Variants in IQSEC1 observed in about 807,000 individuals in gnomAD.
IQSEC1 encodes IQ motif and SEC7 domain-containing protein 1.
A neutral mutation model predicts 91.0 loss-of-function variants in IQSEC1; 31 were observed. That is an observed-to-expected ratio of 0.34 (90% CI 0.26 to 0.46). IQSEC1 has a LOEUF of 0.46. Ranked by LOEUF, IQSEC1 falls within the 20% of genes least tolerant of loss-of-function variation. IQSEC1 has a pLI of 1.00. For missense variants in IQSEC1, 1,388 were observed against 1,575.6 expected (o/e 0.88, Z 2.02); for synonymous variants, 699 against 662.6 (o/e 1.05, Z -0.84).
intron 2 of IQSEC1, among the ~76,000 whole-genome samples, chr3:13,111,773 G>T (rs999923861): frequency 6.6e-6 from 1 of 152,152 alleles, no homozygotes; most frequent in African/African-American, 2.4e-5. Context: ...GAAGGCAGCC[G>T]TCTGTGAACC....
At chr3:13,063,046 G>A (rs1341852590) in intron 1 of IQSEC1, among the ~76,000 whole-genome samples, 6 of 152,224 alleles carry the variant, frequency 3.9e-5, no homozygotes, top group Admixed American at 3.3e-4. Context: ...GCTCCTCAGA[G>A]CCCTGATATC....
rs142469438 is a variant in IQSEC1 at position 12,943,938 on chromosome 3, G to C, written c.24-2073C>G. 4.8e-3 allele frequency among the ~76,000 whole-genome samples: 732 copies of C among 152,338 alleles called. 2 individuals are homozygous for C. Among genetic ancestry groups the C allele is most frequent in the Non-Finnish European group, 7.1e-3 (484 of 68,026 alleles). Reference sequence around the variant, plus strand: ...ATGACTTCTGGCTCTGGCCTCCGGGGTCAGGCAGGGGATGCCCACCCCACT... The same window carrying C: ...ATGACTTCTGGCTCTGGCCTCCGGGCTCAGGCAGGGGATGCCCACCCCACT... On this transcript the variant is annotated intron_variant, in intron 1 of 13. Coordinates refer to ENST00000613206, the MANE Select transcript of IQSEC1 (RefSeq NM_001134382.3).
chr3:12,913,443 G>T lies in IQSEC1; in HGVS notation c.2301C>A (p.Phe767Leu). 1 of 1,601,046 alleles carries T rather than the reference G, an allele frequency of 6.2e-7. No homozygotes were observed. Residue 767 changes from phenylalanine to leucine, a missense_variant, in exon 9 of 14, where the codon TTC becomes TTA. Transcript: ENST00000613206. ...AGCCACATACCACCAGGAGGTCGTT[G>T]AACAGGAAGATTTCTCGCTGGTGTA... is the stretch of plus-strand genomic sequence containing the variant. ...LGLHQREIFL[F>L]NDLLVVTKIF... is the part of the protein sequence containing the mutation.
intron 1 of IQSEC1, among the ~76,000 whole-genome samples, chr3:13,020,120 A>T (rs566311077): frequency 6.6e-6 from 1 of 152,354 alleles, no homozygotes; most frequent in Admixed American, 6.5e-5. Context: ...ACCTTGGGAC[A>T]GAAGGGGACT....
intron 12 of IQSEC1, among the ~76,000 whole-genome samples, chr3:12,905,939 A>C (rs1317131012): frequency 6.6e-6 from 1 of 152,182 alleles, no homozygotes; most frequent in African/African-American, 2.4e-5. Context: ...CGCTGGAATG[A>C]GCACCGGGTG....
At chr3:13,136,168 A>G (rs1002962078) in intron 2 of IQSEC1, among the ~76,000 whole-genome samples, 1 of 152,232 alleles carries the variant, frequency 6.6e-6, no homozygotes, top group African/African-American at 2.4e-5. Context: ...TTTCAAGCCA[A>G]CAACGTGAGG....
chr3:13,067,778 A>T (rs935574374), intron 1 of IQSEC1, among the ~76,000 whole-genome samples: 10 of 152,246 alleles, frequency 6.6e-5, no homozygotes, highest in African/African-American at 2.4e-4. Flanking sequence ...GGAAAACAGG[A>T]TGGCACACAA....
At chr3:13,129,265 T>A (rs1373958839) in intron 2 of IQSEC1, among the ~76,000 whole-genome samples, 1 of 152,232 alleles carries the variant, frequency 6.6e-6, no homozygotes, top group Non-Finnish European at 1.5e-5. Flanking sequence ...TTTATTGGCA[T>A]AAAGTTGTTC....
At chr3:13,120,517 C>T (rs1168045775) in intron 2 of IQSEC1, among the ~76,000 whole-genome samples, 2 of 152,208 alleles carry the variant, frequency 1.3e-5, no homozygotes, top group African/African-American at 2.4e-5. Flanking sequence ...AAGGCCTGCA[C>T]GTGGTACACA....
chr3:13,103,944 C>G lies in IQSEC1; in HGVS notation c.303-56422G>C, dbSNP rs1706105313. ...TTCTATTTAATCTTCACGGCACTCCCTGAGGTGGGTGCTACTAGTATCTTC... is the reference window on the plus strand; with the variant it reads ...TTCTATTTAATCTTCACGGCACTCCGTGAGGTGGGTGCTACTAGTATCTTC... On this transcript the variant is annotated intron_variant, in intron 2 of 15. Coordinates refer to the IQSEC1 transcript ENST00000648114. This position sits in a 1 kb window ranked among gnomAD's most constrained non-coding sequence, Gnocchi z 4.1. Among the ~76,000 whole-genome samples the G allele has an allele frequency of 6.6e-6, 1 of 152,156 alleles. No homozygotes were observed. The highest frequency in any genetic ancestry group is 2.4e-5 in the African/African-American group (1 of 41,428).
chr3:13,099,411 G>T (rs1354309055), intron 2 of IQSEC1, among the ~76,000 whole-genome samples: 3 of 152,324 alleles, frequency 2.0e-5, no homozygotes, highest in Admixed American at 2.0e-4. Flanking sequence ...AGGAAAAATG[G>T]TTTTTAGGCT....
intron 2 of IQSEC1, among the ~76,000 whole-genome samples, chr3:13,138,255 C>T (rs541618011): frequency 2.1e-4 from 32 of 152,166 alleles, no homozygotes; most frequent in African/African-American, 6.3e-4. Context: ...CAGCGATCGA[C>T]GAGACAAGGC....
At chr3:13,088,512 G>A (rs889936151) in intron 2 of IQSEC1, among the ~76,000 whole-genome samples, 37 of 150,788 alleles carry the variant, frequency 2.5e-4, no homozygotes, top group African/African-American at 8.3e-4. Flanking sequence ...GGTTCCTGTC[G>A]CCCTCCCCGC....
At position 12,924,014 on chromosome 3, in the gene IQSEC1, A is replaced by C. The variant is rs369050316; in HGVS notation, c.1730+567T>G. 1.1e-4 allele frequency among the ~76,000 whole-genome samples: 16 copies of C among 152,334 alleles called. No individual in the cohort carries two copies. In the South Asian group the frequency reaches 1.4e-3, roughly 14 times the overall value. ...ATCAGGAGGTGGGGGCAGGACGCAC[A>C]GCCCCAATATCCCAGCCGGGAGAAT... On this transcript the variant is annotated intron_variant, in intron 4 of 13. Coordinates refer to ENST00000613206, the MANE Select transcript of IQSEC1 (RefSeq NM_001134382.3). This position sits in a 1 kb window ranked among gnomAD's most constrained non-coding sequence, Gnocchi z 6.3.
intron 2 of IQSEC1, among the ~76,000 whole-genome samples, chr3:13,122,394 C>A (rs910053115): frequency 6.6e-6 from 1 of 151,972 alleles, no homozygotes; most frequent in African/African-American, 2.4e-5. Context: ...GAGGGAGCCA[C>A]GGGAAGGTGC....
intron 2 of IQSEC1, among the ~76,000 whole-genome samples, chr3:13,150,733 C>T (rs1029655314): frequency 2.0e-5 from 3 of 152,194 alleles, no homozygotes; most frequent in African/African-American, 4.8e-5. Flanking sequence ...TCACCCACGG[C>T]GGGAGGGCTG....
At chr3:13,005,236 C>A (rs1049940015) in intron 1 of IQSEC1, among the ~76,000 whole-genome samples, 7 of 152,072 alleles carry the variant, frequency 4.6e-5, no homozygotes, top group Non-Finnish European at 8.8e-5. Flanking sequence ...TTGAAAAGCC[C>A]GGGAGTGCAA....
chr3:13,059,950 GCTA>G (rs1705008303), intron 1 of IQSEC1, among the ~76,000 whole-genome samples: 1 of 152,230 alleles, frequency 6.6e-6, no homozygotes, highest in East Asian at 1.9e-4. Flanking sequence ...GCTGTGGGGT[GCTA>G]CATGCTGGAT....
chr3:13,266,163 G>A (rs575277811), intron 1 of IQSEC1, among the ~76,000 whole-genome samples: 7 of 152,244 alleles, frequency 4.6e-5, no homozygotes, highest in East Asian at 1.9e-4. Context: ...ACACTCCCCC[G>A]GAGCTCAGAA....
Sources: allele counts gnomAD v4.1 joint callset (sites outside exome capture counted in the v4.1 genomes callset), GRCh38; gene constraint gnomAD v4.1.1; non-coding constraint Gnocchi (gnomAD v3.1); transcripts MANE v1.5; gene names NCBI Gene and HGNC (gene_info 2026-07-23, HGNC 2026-07-21).